The following NR5A2 variants were observed in gnomAD, a reference collection of about 807,000 sequenced individuals.
NR5A2 encodes CYP7A promoter-binding factor.
NR5A2 carries 26 observed loss-of-function variants against 62.7 expected under a neutral mutation model. The observed-to-expected ratio is 0.41, with a 90% CI of 0.30 to 0.58. NR5A2 has a LOEUF of 0.58. NR5A2 is among the 20% of genes least tolerant of loss of function. The pLI, the probability that NR5A2 is intolerant of heterozygous loss-of-function variation, is 0.22. For missense variants in NR5A2, 541 were observed against 669.1 expected (o/e 0.81, Z 2.11); for synonymous variants, 246 against 241.7 (o/e 1.02, Z -0.16).
At chr1:200,036,498 G>A (rs554951593) in intron 1 of NR5A2, among the ~76,000 whole-genome samples, 2 of 152,344 alleles carry the variant, frequency 1.3e-5, no homozygotes, top group East Asian at 1.9e-4. Context: ...GACGCTGGAA[G>A]CCTGGTGCCG....
At position 200,048,901 on chromosome 1, in the gene NR5A2, G is replaced by GA. The variant is rs1662508806; in HGVS notation, c.1110+87dup. 3 of 1,463,872 alleles carry GA rather than the reference G, an allele frequency of 2.0e-6. No individual in the cohort carries two copies. The African/African-American group carries it at 4.2e-5, about 21-fold the overall frequency. The allele number at this position is 1,463,872 out of a possible 1,614,324, so 90.7% of individuals were successfully genotyped here. A position where few individuals can be genotyped will look rare whatever the true frequency, so the allele number is the denominator to read the frequency against. ...TCCTAATTAATACATTCTTGGTGCT[G>GA]AAAATATGTGTTCCTTAATTTTCTA... On this transcript the variant is annotated intron_variant, in intron 5 of 7. Coordinates refer to ENST00000367362, the MANE Select transcript of NR5A2 (RefSeq NM_205860.3). The surrounding 1 kb of genome is among the most constrained non-coding windows in gnomAD (Gnocchi z 4.8).
chr1:200,120,498 T>A (rs1281285245), intron 6 of NR5A2, among the ~76,000 whole-genome samples: 1 of 152,258 alleles, frequency 6.6e-6, no homozygotes, highest in South Asian at 2.1e-4. Context: ...ATAGTAATTC[T>A]GATGCATTTT....
chr1:200,140,671 G>A (rs1224557740), intron 7 of NR5A2, among the ~76,000 whole-genome samples: 1 of 152,052 alleles, frequency 6.6e-6, no homozygotes, highest in Non-Finnish European at 1.5e-5. Context: ...ATACATATAG[G>A]GGAGTCCCAA....
chr1:200,140,269 G>T (rs913769911), intron 7 of NR5A2, among the ~76,000 whole-genome samples: 3 of 151,804 alleles, frequency 2.0e-5, no homozygotes, highest in Admixed American at 6.6e-5. Flanking sequence ...TAGAGACAAG[G>T]TCTCACTATG....
At chr1:200,085,683 G>GA (rs35153316) in intron 5 of NR5A2, among the ~76,000 whole-genome samples, 71,239 of 148,008 alleles carry the variant, frequency 0.48, 17,167 homozygotes, top group Middle Eastern at 0.52. Context: ...AAAAAGAAAA[G>GA]AAAGAAAGAA....
chr1:200,128,875 T>C (rs1381577553), intron 7 of NR5A2, among the ~76,000 whole-genome samples: 1 of 152,222 alleles, frequency 6.6e-6, no homozygotes, highest in Non-Finnish European at 1.5e-5. Context: ...ATAAAAGTCT[T>C]TTAGATAGGG....
chr1:200,111,329 T>C lies in NR5A2; in HGVS notation c.1230+8T>C, dbSNP rs1665935406. 6.7e-7 allele frequency: 1 copy of C among 1,495,786 alleles called. No individual in the cohort carries two copies. Among genetic ancestry groups the C allele is most frequent in the South Asian group, 1.2e-5 (1 of 82,874 alleles). 92.7% of individuals were successfully genotyped at this position (1,495,786 alleles called of 1,614,324 possible). On this transcript the variant is annotated splice_region_variant and intron_variant, in intron 6 of 7. Transcript: ENST00000367362. ...CTGGTTACTGGGCAACAAGTGAGTG[T>C]AGAGACCAAAAAAAAAAAAAAAGCA... is the stretch of plus-strand genomic sequence containing the variant.
At chr1:200,160,577 C>T (rs1405398025) in intron 7 of NR5A2, among the ~76,000 whole-genome samples, 1 of 152,120 alleles carries the variant, frequency 6.6e-6, no homozygotes, top group Non-Finnish European at 1.5e-5. Flanking sequence ...TAATTAAATG[C>T]AAATACAGTC....
intron 2 of NR5A2, among the ~76,000 whole-genome samples, chr1:200,041,821 T>C (rs1221615078): frequency 6.6e-6 from 1 of 152,162 alleles, no homozygotes; most frequent in Non-Finnish European, 1.5e-5. Flanking sequence ...CATGCCTCGG[T>C]CTTTCTTCGA....
In NR5A2 at chr1:200,042,264, T is replaced by G. The variant is rs189873201; in HGVS notation, c.203-1510T>G. Among the ~76,000 whole-genome samples the G allele has an allele frequency of 2.7e-3, 409 of 152,218 alleles. 3 individuals are homozygous for G. The highest frequency in any genetic ancestry group is 9.5e-3 in the African/African-American group (396 of 41,536). ...ACTCCCCTGTGAGCCATCCTAGGGC[T>G]CTGTGGCCCGGGAAGAGACGCGTCA... On this transcript the variant is annotated intron_variant, in intron 2 of 7. Coordinates refer to ENST00000367362, the MANE Select transcript of NR5A2 (RefSeq NM_205860.3).
At chr1:200,096,762 T>C (rs1665122158) in intron 5 of NR5A2, among the ~76,000 whole-genome samples, 1 of 152,230 alleles carries the variant, frequency 6.6e-6, no homozygotes, top group South Asian at 2.1e-4. Flanking sequence ...TATAATAATG[T>C]ATTTTTACTG....
At chr1:200,161,355 T>G (rs1290285882) in intron 7 of NR5A2, among the ~76,000 whole-genome samples, 1 of 152,224 alleles carries the variant, frequency 6.6e-6, no homozygotes, top group African/African-American at 2.4e-5. Context: ...TAATGTAGTT[T>G]TCACTATCAT....
intron 6 of NR5A2, among the ~76,000 whole-genome samples, chr1:200,118,429 A>G (rs1281647255): frequency 6.6e-6 from 1 of 152,192 alleles, no homozygotes; most frequent in Non-Finnish European, 1.5e-5. Context: ...ATGATTCTTG[A>G]TAATCATAGA....
intron 7 of NR5A2, among the ~76,000 whole-genome samples, chr1:200,159,813 C>T (rs59092384): frequency 0.043 from 6,470 of 149,706 alleles, 328 homozygotes; most frequent in East Asian, 0.26. Context: ...CACCAGCACC[C>T]GGCTAATTTT....
chr1:200,109,288 A>T (rs1272252968), intron 5 of NR5A2, among the ~76,000 whole-genome samples: 1 of 152,198 alleles, frequency 6.6e-6, no homozygotes, highest in Non-Finnish European at 1.5e-5. Flanking sequence ...CAATTTCTGT[A>T]AGTAATTTCT....
Position 200,174,157 on chromosome 1 carries a change from G to A in NR5A2, c.1573G>A (p.Asp525Asn). 3 of 1,613,436 alleles carry A rather than the reference G, an allele frequency of 1.9e-6. No homozygotes were observed. Among genetic ancestry groups the A allele is most frequent in the Non-Finnish European group, 2.5e-6 (3 of 1,179,826 alleles). Residue 525 changes from aspartate to asparagine, a missense_variant, in exon 8 of 8, where the codon GAT becomes AAT. Transcript: ENST00000367362. Reference sequence around the variant, plus strand: ...CCTCTACTACAAGCACCTGAACGGGGATGTGCCCTATAATAACCTTCTCAT... The same window carrying A: ...CCTCTACTACAAGCACCTGAACGGGAATGTGCCCTATAATAACCTTCTCAT... ...EYLYYKHLNG[D>N]VPYNNLLIEM...
chr1:200,116,190 C>G (rs1042395060), intron 6 of NR5A2, among the ~76,000 whole-genome samples: 1 of 152,074 alleles, frequency 6.6e-6, no homozygotes, highest in Admixed American at 6.6e-5. Context: ...TTTGTTTCAC[C>G]TTGAAAGCAT....
At chr1:200,158,799 CATCATGGTGCTGCCAT>C (rs1233776980) in intron 7 of NR5A2, among the ~76,000 whole-genome samples, 1 of 152,156 alleles carries the variant, frequency 6.6e-6, no homozygotes. Flanking sequence ...CACTGTAGAA[CATCATGGTGCTGCCAT>C]ATAGTGTATT....
rs747857889 is a variant in NR5A2, at chr1:200,048,507, C to T, written c.799C>T (p.Arg267Trp). Residue 267 changes from arginine (R) to tryptophan (W), a missense_variant, in exon 5 of 8, where the codon CGG (arginine) becomes TGG (tryptophan). Arg to Trp is a moderately radical substitution (Grantham distance 101). Transcript: ENST00000367362. The surrounding 1 kb of genome is among the most constrained non-coding windows in gnomAD (Gnocchi z 4.8). ...CCAAACATATGGCCACTTTCCTAGCCGGGCCATCAAGTCTGAGTACCCAGA... is the reference window on the plus strand; with the variant it reads ...CCAAACATATGGCCACTTTCCTAGCTGGGCCATCAAGTCTGAGTACCCAGA... ...GYQTYGHFPS[R>W]AIKSEYPDPY... is the part of the protein sequence containing the mutation. The T allele has an allele frequency of 1.4e-5, 22 of 1,614,082 alleles. 1 individual carries two copies. The highest frequency in any genetic ancestry group is 2.2e-5 in the East Asian group (1 of 44,890).
Sources: gnomAD v4.1 joint callset for allele counts (sites outside exome capture counted in the v4.1 genomes callset) on GRCh38, gnomAD v4.1.1 for gene constraint, Gnocchi (gnomAD v3.1) non-coding constraint, MANE v1.5 for transcripts, NCBI Gene and HGNC (gene_info 2026-07-23, HGNC 2026-07-21) for gene names.